Variants in STARD13 observed in about 807,000 individuals in gnomAD.
STARD13 encodes the protein stAR-related lipid transfer protein 13.
Under a neutral mutation model 106.4 loss-of-function variants are expected in STARD13, and 62 were observed. The ratio of observed to expected loss-of-function variants is 0.58; its 90% CI spans 0.48 to 0.72. STARD13 has a LOEUF of 0.72. Among genes scored for constraint, STARD13 ranks in the 30% least tolerant of loss-of-function variants. The probability of loss-of-function intolerance (pLI) is 0.00; values close to 1 mark genes in which losing one functional copy is unlikely to be tolerated. For missense variants in STARD13, 1,387 were observed against 1,424.0 expected (o/e 0.97, Z 0.42); for synonymous variants, 565 against 553.0 (o/e 1.02, Z -0.31).
chr13:33,595,117 C>A, the STARD13 span, among the ~76,000 whole-genome samples: 1 of 152,192 alleles, frequency 6.6e-6, no homozygotes, highest in Non-Finnish European at 1.5e-5. Context: ...TGACATTGAA[C>A]AAAAACATTT....
At chr13:33,674,875 C>T in the STARD13 span, among the ~76,000 whole-genome samples, 1 of 152,064 alleles carries the variant, frequency 6.6e-6, no homozygotes, top group African/African-American at 2.4e-5. Context: ...GTTAATGAAA[C>T]TAACACATTA....
chr13:33,555,818 A>C, the STARD13 span, among the ~76,000 whole-genome samples: 1 of 152,216 alleles, frequency 6.6e-6, no homozygotes, highest in Non-Finnish European at 1.5e-5. Context: ...ACATGAAATA[A>C]GTTAGGTAAA....
intron 1 of STARD13, among the ~76,000 whole-genome samples, chr13:33,207,053 C>G (rs1319458407): frequency 2.6e-5 from 4 of 152,142 alleles, no homozygotes; most frequent in Non-Finnish European, 5.9e-5. Flanking sequence ...TTTTCAACAA[C>G]AGAGAGAATA....
chr13:33,119,573 G>C (rs560021761), intron 7 of STARD13, among the ~76,000 whole-genome samples: 2 of 152,184 alleles, frequency 1.3e-5, no homozygotes, highest in Admixed American at 6.6e-5. Context: ...GCAGGGGAAG[G>C]ATTCCAAGCC....
chr13:33,321,308 C>T (rs1008397533), intron 1 of STARD13, among the ~76,000 whole-genome samples: 10 of 152,104 alleles, frequency 6.6e-5, no homozygotes, highest in Non-Finnish European at 1.5e-4. Context: ...GAGTTTGAGA[C>T]CTGCCTGACC....
chr13:33,608,345 C>T, the STARD13 span, among the ~76,000 whole-genome samples: 1 of 152,112 alleles, frequency 6.6e-6, no homozygotes, highest in Non-Finnish European at 1.5e-5. Flanking sequence ...CACTCATAGT[C>T]TCAATAGGCA....
intron 1 of STARD13, among the ~76,000 whole-genome samples, chr13:33,187,622 T>C (rs1351049510): frequency 6.7e-6 from 1 of 149,764 alleles, no homozygotes; most frequent in African/African-American, 2.4e-5. Context: ...AATAAAAGGA[T>C]ATTTTTACTA....
the STARD13 span, among the ~76,000 whole-genome samples, chr13:33,402,058 A>C: frequency 6.6e-6 from 1 of 152,250 alleles, no homozygotes; most frequent in African/African-American, 2.4e-5. Flanking sequence ...AAATGCAATC[A>C]AGGCCTATAA....
At chr13:33,123,907 T>C (rs1045380373) in intron 7 of STARD13, among the ~76,000 whole-genome samples, 3 of 152,210 alleles carry the variant, frequency 2.0e-5, no homozygotes, top group Non-Finnish European at 4.4e-5. Flanking sequence ...TACTTCCTAT[T>C]AAAATGTGGC....
the STARD13 span, chr13:33,657,343 T>C: frequency 5.3e-5 from 8 of 151,970 alleles, no homozygotes; most frequent in Admixed American, 5.2e-4. Flanking sequence ...ATTCAAAAAA[T>C]ACTTGTTGAG....
At chr13:33,243,938 A>C (rs1162986059) in intron 1 of STARD13, among the ~76,000 whole-genome samples, 1 of 152,006 alleles carries the variant, frequency 6.6e-6, no homozygotes, top group Non-Finnish European at 1.5e-5. Flanking sequence ...TAACTTGGGC[A>C]CTTATTTGGA....
the STARD13 span, among the ~76,000 whole-genome samples, chr13:33,552,956 T>C: frequency 6.6e-6 from 1 of 152,180 alleles, no homozygotes; most frequent in Non-Finnish European, 1.5e-5. Flanking sequence ...ACACAAGCTA[T>C]GGTAGACACT....
the STARD13 span, among the ~76,000 whole-genome samples, chr13:33,395,546 C>T: frequency 1.2e-4 from 18 of 152,162 alleles, 1 homozygote; most frequent in East Asian, 2.7e-3. Flanking sequence ...GCCAGACAGA[C>T]CACCCTAACT....
intron 1 of STARD13, among the ~76,000 whole-genome samples, chr13:33,318,021 A>C (rs957839406): frequency 2.6e-5 from 4 of 152,216 alleles, no homozygotes. Context: ...GGTCAGACTC[A>C]AAAGTCTTTC....
chr13:33,612,841 C>T, the STARD13 span, among the ~76,000 whole-genome samples: 5,376 of 152,294 alleles, frequency 0.035, 365 homozygotes, highest in East Asian at 0.29. Context: ...GAAGACTGTT[C>T]TAACTTCACA....
chr13:33,185,307 G>C (rs1465107950), intron 1 of STARD13, among the ~76,000 whole-genome samples: 6 of 152,170 alleles, frequency 3.9e-5, no homozygotes, highest in Non-Finnish European at 1.5e-5. Context: ...ACGAAGTGCT[G>C]GAAAATAAAG....
intron 8 of STARD13, chr13:33,113,603 GGAGAC>G (rs1874939300): frequency 3.9e-6 from 2 of 510,858 alleles, no homozygotes; most frequent in Non-Finnish European, 7.8e-6. Flanking sequence ...GACTTCATGT[GGAGAC>G]CCAGCGTCAC....
At chr13:33,620,779 C>A in the STARD13 span, among the ~76,000 whole-genome samples, 3 of 149,752 alleles carry the variant, frequency 2.0e-5, no homozygotes, top group African/African-American at 4.9e-5. Flanking sequence ...ACATATATAA[C>A]AGAATATACA....
At position 33,185,247 on chromosome 13, in the gene STARD13, T is replaced by C. The variant is rs528639190; in HGVS notation, c.170-17625A>G. ...GCACACAGGCCATCAGTGGCTGATG[T>C]TGGCTAAGCTTAAGATCACGGGATG... On this transcript the variant is annotated intron_variant, in intron 1 of 13. Transcript: ENST00000336934. Among the ~76,000 whole-genome samples the C allele has an allele frequency of 2.8e-4, 42 of 152,344 alleles. 1 individual carries two copies. The highest frequency in any genetic ancestry group is 1.0e-3 in the African/African-American group (42 of 41,578).
Sources: allele counts gnomAD v4.1 joint callset (sites outside exome capture counted in the v4.1 genomes callset), GRCh38; gene constraint gnomAD v4.1.1; transcripts MANE v1.5; gene names NCBI Gene and HGNC (gene_info 2026-07-23, HGNC 2026-07-21).